The following COBLL1 variants were observed in gnomAD, a reference collection of about 807,000 sequenced individuals.
COBLL1 encodes cordon-bleu WH2 repeat protein like 1.
A neutral mutation model predicts 94.8 loss-of-function variants in COBLL1; 50 were observed. That is an observed-to-expected ratio of 0.53 (90% CI 0.42 to 0.67). The LOEUF is 0.67. COBLL1 is among the 30% of genes least tolerant of loss of function. The pLI, the probability that COBLL1 is intolerant of heterozygous loss-of-function variation, is 0.00. For missense variants in COBLL1, 1,362 were observed against 1,348.7 expected (o/e 1.01, Z -0.15); for synonymous variants, 448 against 473.8 (o/e 0.95, Z 0.71).
At chr2:164,755,600 A>G (rs181206067) in intron 2 of COBLL1, among the ~76,000 whole-genome samples, 2 of 152,212 alleles carry the variant, frequency 1.3e-5, no homozygotes, top group Non-Finnish European at 2.9e-5. Context: ...TAAGGTTAGC[A>G]TGAGTAGATG....
intron 3 of COBLL1, among the ~76,000 whole-genome samples, chr2:164,740,260 G>A (rs1430993680): frequency 6.6e-6 from 1 of 152,080 alleles, no homozygotes; most frequent in Non-Finnish European, 1.5e-5. Flanking sequence ...CTACTTGGGA[G>A]GCTGGGGTGG....
At chr2:164,670,285 G>GA (rs1263738115) in intron 1 of COBLL1, among the ~76,000 whole-genome samples, 6 of 151,554 alleles carry the variant, frequency 4.0e-5, no homozygotes, top group South Asian at 4.2e-4. Context: ...TAGAAAAAGA[G>GA]AAAAAAAAGT....
chr2:164,667,156 G>A (rs1295600201), intron 1 of COBLL1, among the ~76,000 whole-genome samples: 1 of 152,042 alleles, frequency 6.6e-6, no homozygotes, highest in East Asian at 1.9e-4. Context: ...GTGACTAGGT[G>A]CATTATCAAT....
At chr2:164,768,026 T>A (rs754221484) in intron 2 of COBLL1, among the ~76,000 whole-genome samples, 1 of 152,172 alleles carries the variant, frequency 6.6e-6, no homozygotes, top group Non-Finnish European at 1.5e-5. Context: ...GGAAATCTTA[T>A]CTGAACAAGT....
chr2:164,841,793 T>C lies in COBLL1; in HGVS notation c.-134A>G. 1 of 574,256 alleles carries C rather than the reference T, an allele frequency of 1.7e-6. No homozygotes were observed. Among genetic ancestry groups the C allele is most frequent in the Non-Finnish European group, 3.0e-6 (1 of 334,824 alleles). The allele number at this position is 574,256 out of a possible 1,614,324, so 35.6% of individuals were successfully genotyped here. A position where few individuals can be genotyped will look rare whatever the true frequency, so the allele number is the denominator to read the frequency against. ...TCTTCCCTTCCCCGGCCCGCGCTCT[T>C]GCCGCTCGGCTCTCAAGCCAGGACT... On this transcript the variant is annotated 5_prime_UTR_variant, in exon 1 of 14. Transcript: ENST00000652658. This position sits in a 1 kb window ranked among gnomAD's most constrained non-coding sequence, Gnocchi z 5.5.
At chr2:164,819,734 A>AT (rs1282849641) in intron 2 of COBLL1, among the ~76,000 whole-genome samples, 1 of 151,904 alleles carries the variant, frequency 6.6e-6, no homozygotes, top group African/African-American at 2.4e-5. Flanking sequence ...AAGCTGGGAG[A>AT]TTTTTAAAAT....
At chr2:164,804,307 A>G (rs1481597231) in intron 2 of COBLL1, among the ~76,000 whole-genome samples, 1 of 152,154 alleles carries the variant, frequency 6.6e-6, no homozygotes, top group Non-Finnish European at 1.5e-5. Flanking sequence ...CAACTCTATG[A>G]GTAAAAGAAA....
intron 2 of COBLL1, among the ~76,000 whole-genome samples, chr2:164,775,752 C>CCCTT (rs1688433800): frequency 6.6e-6 from 1 of 152,150 alleles, no homozygotes. Flanking sequence ...CGGCACCTGG[C>CCCTT]CCTTGGTGGT....
At chr2:164,664,775 T>C (rs1308563544) in intron 2 of COBLL1, among the ~76,000 whole-genome samples, 1 of 152,208 alleles carries the variant, frequency 6.6e-6, no homozygotes, top group East Asian at 1.9e-4. Context: ...GAATACAAGA[T>C]GAGAATAACG....
chr2:164,805,313 C>A (rs1386573905), intron 2 of COBLL1, among the ~76,000 whole-genome samples: 1,127 of 35,546 alleles, frequency 0.032, 133 homozygotes, highest in African/African-American at 0.12. Context: ...CTCTCTCTCT[C>A]TCTCTCTCTC....
intron 11 of COBLL1, chr2:164,698,053 C>T (rs1443591211): frequency 1.3e-5 from 2 of 151,978 alleles, no homozygotes; most frequent in Non-Finnish European, 2.9e-5. Context: ...TGACAAAAGT[C>T]GTAGCAAAAC....
intron 5 of COBLL1, among the ~76,000 whole-genome samples, chr2:164,726,417 T>C (rs1293772731): frequency 1.3e-5 from 2 of 152,118 alleles, no homozygotes; most frequent in African/African-American, 4.8e-5. Context: ...GAAAAAAGAC[T>C]TCCACAATTT....
At chr2:164,661,058 G>A (rs554230217) in intron 2 of COBLL1, among the ~76,000 whole-genome samples, 3 of 152,152 alleles carry the variant, frequency 2.0e-5, no homozygotes, top group South Asian at 4.1e-4. Context: ...AGTTTCTACC[G>A]TGAAATTGAA....
intron 7 of COBLL1, among the ~76,000 whole-genome samples, chr2:164,713,988 A>G: frequency 6.6e-6 from 1 of 152,150 alleles, no homozygotes; most frequent in East Asian, 1.9e-4. Context: ...ATCTTATTCT[A>G]CAGAGGAGAA....
chr2:164,673,544 G>A (rs371143322), intron 1 of COBLL1, among the ~76,000 whole-genome samples: 2 of 152,048 alleles, frequency 1.3e-5, no homozygotes, highest in African/African-American at 4.8e-5. Flanking sequence ...GTGTGGTGGC[G>A]CATGTTTGTA....
Position 164,695,760 on chromosome 2 carries a change from G to T in COBLL1, c.1632C>A (p.Ile544=). Residue 544 remains isoleucine (I), a synonymous_variant, in exon 12 of 14, where the codon ATC becomes ATA. Transcript: ENST00000652658. ...TATTTTTGGCAACACCTTCTACATT[G>T]ATTTCTGTTTTCTTCACTCCATTTT... ...NMKNGVKKTE[I]NVEGVAKNNN... is the part of the protein sequence containing the mutation. The T allele has an allele frequency of 6.2e-7, 1 of 1,612,754 alleles. No individual in the cohort carries two copies. The highest frequency in any genetic ancestry group is 8.5e-7 in the Non-Finnish European group (1 of 1,179,494).
intron 2 of COBLL1, among the ~76,000 whole-genome samples, chr2:164,787,691 A>C (rs1682934935): frequency 6.6e-6 from 1 of 152,092 alleles, no homozygotes; most frequent in African/African-American, 2.4e-5. Flanking sequence ...TCCATCATTG[A>C]GTACTTGAAG....
chr2:164,674,034 T>C (rs1420607515), intron 1 of COBLL1, among the ~76,000 whole-genome samples: 1 of 152,162 alleles, frequency 6.6e-6, no homozygotes, highest in Non-Finnish European at 1.5e-5. Context: ...CAAGCTAAAA[T>C]ATAAAATTTA....
intron 7 of COBLL1, among the ~76,000 whole-genome samples, chr2:164,711,207 A>G (rs1325124157): frequency 1.3e-5 from 2 of 152,234 alleles, no homozygotes; most frequent in Non-Finnish European, 2.9e-5. Flanking sequence ...TATTATATGT[A>G]AAATACATAG....
Sources: allele counts gnomAD v4.1 joint callset (sites outside exome capture counted in the v4.1 genomes callset), GRCh38; gene constraint gnomAD v4.1.1; non-coding constraint Gnocchi (gnomAD v3.1); transcripts MANE v1.5; gene names NCBI Gene and HGNC (gene_info 2026-07-23, HGNC 2026-07-21).